Variants in CRPPA observed in about 807,000 individuals in gnomAD.
CRPPA encodes D-ribitol-5-phosphate cytidylyltransferase.
CRPPA carries 43 observed loss-of-function variants against 52.0 expected under a neutral mutation model. The observed-to-expected ratio is 0.83, with a 90% CI of 0.65 to 1.07. The LOEUF is 1.07. Among genes scored for constraint, CRPPA ranks in the 50% least tolerant of loss-of-function variants. The probability of loss-of-function intolerance (pLI) is 0.00; values close to 1 mark genes in which losing one functional copy is unlikely to be tolerated. For synonymous variants in CRPPA, 250 were observed against 203.5 expected, an observed-to-expected ratio of 1.23 and a Z score of -1.94; for missense variants, 629 against 551.7, an observed-to-expected ratio of 1.14 and a Z score of -1.40.
At chr7:16,167,437 C>T (rs1196006762) in intron 9 of CRPPA, among the ~76,000 whole-genome samples, 1 of 152,162 alleles carries the variant, frequency 6.6e-6, no homozygotes, top group Non-Finnish European at 1.5e-5. Flanking sequence ...GTGATCAGTA[C>T]ATTCAAATAT....
chr7:16,088,933 A>G lies in CRPPA; in HGVS notation c.*2762T>C, dbSNP rs982936100. 6 of 199,856 alleles carry G rather than the reference A, an allele frequency of 3.0e-5. No individual in the cohort carries two copies. Among genetic ancestry groups the G allele is most frequent in the Non-Finnish European group, 6.4e-5 (6 of 93,334 alleles). 12.4% of individuals were successfully genotyped at this position (199,856 alleles called of 1,614,324 possible). A position where few individuals can be genotyped will look rare whatever the true frequency, so the allele number is the denominator to read the frequency against. On this transcript the variant is annotated 3_prime_UTR_variant, in exon 10 of 10. Coordinates refer to ENST00000407010, the MANE Select transcript of CRPPA (RefSeq NM_001101426.4). Reference sequence around the variant, plus strand: ...GCTTATATATCACGTCTTATATATCAGACGTGGCTTATATATCAGATGTCT... The same window carrying G: ...GCTTATATATCACGTCTTATATATCGGACGTGGCTTATATATCAGATGTCT...
chr7:16,214,597 C>G (rs1236168250), intron 9 of CRPPA, among the ~76,000 whole-genome samples: 1 of 152,112 alleles, frequency 6.6e-6, no homozygotes, highest in Admixed American at 6.5e-5. Context: ...CTCCGCCTCC[C>G]AGATTCAAGT....
chr7:16,141,318 A>G (rs923599591), intron 9 of CRPPA, among the ~76,000 whole-genome samples: 2 of 152,206 alleles, frequency 1.3e-5, no homozygotes, highest in Non-Finnish European at 2.9e-5. Flanking sequence ...TAATATACAC[A>G]TTCTGAAATA....
At chr7:16,281,903 T>A (rs1312901034) in intron 5 of CRPPA, among the ~76,000 whole-genome samples, 1 of 152,180 alleles carries the variant, frequency 6.6e-6, no homozygotes, top group African/African-American at 2.4e-5. Context: ...TCTGTACAAT[T>A]GTATTGATTC....
intron 3 of CRPPA, among the ~76,000 whole-genome samples, chr7:16,359,999 C>G (rs548618617): frequency 7.9e-4 from 120 of 152,268 alleles, no homozygotes; most frequent in African/African-American, 2.8e-3. Context: ...CTTCTATGTC[C>G]TCCATTTTAT....
chr7:16,158,280 T>C (rs1783230213), intron 9 of CRPPA, among the ~76,000 whole-genome samples: 1 of 152,152 alleles, frequency 6.6e-6, no homozygotes, highest in Non-Finnish European at 1.5e-5. Context: ...TACCACCCTT[T>C]TATTTCATAT....
intron 3 of CRPPA, among the ~76,000 whole-genome samples, chr7:16,328,582 T>C (rs1211825062): frequency 6.6e-6 from 1 of 152,176 alleles, no homozygotes; most frequent in Non-Finnish European, 1.5e-5. Flanking sequence ...TGGTGTGATC[T>C]TGGCTCACTG....
In CRPPA at chr7:16,132,613, A is replaced by G. The variant is rs1782699592; in HGVS notation, c.1252-40814T>C. On this transcript the variant is annotated intron_variant, in intron 9 of 9. Coordinates refer to ENST00000407010, the MANE Select transcript of CRPPA (RefSeq NM_001101426.4). ...GAAACTAAAGTCTATAGTAGGTTTT[A>G]TAATACCATTGACTCTTGAACCACA... is the stretch of plus-strand genomic sequence containing the variant. Among the ~76,000 whole-genome samples the G allele has an allele frequency of 2.4e-5, 3 of 125,142 alleles. 1 individual carries two copies. The South Asian group carries it at 1.1e-3, about 48-fold the overall frequency. 82.1% of individuals were successfully genotyped at this position (125,142 alleles called of 152,430 possible). A position where few individuals can be genotyped will look rare whatever the true frequency, so the allele number is the denominator to read the frequency against.
intron 1 of CRPPA, among the ~76,000 whole-genome samples, chr7:16,419,298 A>C (rs1006028898): frequency 3.3e-5 from 5 of 152,234 alleles, no homozygotes; most frequent in African/African-American, 1.2e-4. Flanking sequence ...ATAACTGAGG[A>C]AATTAGGACA....
intron 9 of CRPPA, among the ~76,000 whole-genome samples, chr7:16,167,780 C>A (rs138555287): frequency 2.1e-4 from 32 of 152,292 alleles, no homozygotes; most frequent in African/African-American, 7.7e-4. Flanking sequence ...CTAAATATTT[C>A]TTTCCCATCT....
intron 9 of CRPPA, among the ~76,000 whole-genome samples, chr7:16,128,353 A>G (rs1397707731): frequency 6.6e-6 from 1 of 152,168 alleles, no homozygotes; most frequent in African/African-American, 2.4e-5. Flanking sequence ...ATTCATCTCA[A>G]CCTCCCCAAA....
At chr7:16,208,665 T>TTGATAAGG (rs1400059465) in intron 9 of CRPPA, among the ~76,000 whole-genome samples, 1 of 152,148 alleles carries the variant, frequency 6.6e-6, no homozygotes, top group Non-Finnish European at 1.5e-5. Context: ...AAGGCTATCT[T>TTGATAAGG]TGGCTAATTC....
At chr7:16,285,727 GT>G in intron 5 of CRPPA, among the ~76,000 whole-genome samples, 1 of 151,868 alleles carries the variant, frequency 6.6e-6, no homozygotes, top group African/African-American at 2.4e-5. Context: ...ATAATTGTCA[GT>G]TAAAATTATG....
chr7:16,419,729 C>A (rs75278840), intron 1 of CRPPA, among the ~76,000 whole-genome samples: 10,888 of 152,000 alleles, frequency 0.072, 464 homozygotes, highest in East Asian at 0.12. Flanking sequence ...ACCAAGAAAA[C>A]CTCACATAGA....
At chr7:16,228,330 T>G (rs1782703944) in intron 8 of CRPPA, among the ~76,000 whole-genome samples, 1 of 151,942 alleles carries the variant, frequency 6.6e-6, no homozygotes, top group East Asian at 1.9e-4. Context: ...CTCTATATTG[T>G]TTCCTTCCTT....
rs543270413 is a variant in CRPPA, at chr7:16,385,899, T to C, written c.535-9658A>G. Among the ~76,000 whole-genome samples, 11 of 152,218 alleles carry C rather than the reference T, an allele frequency of 7.2e-5. No individual in the cohort carries two copies. In the East Asian group the frequency reaches 1.9e-3, roughly 27 times the overall value. On this transcript the variant is annotated intron_variant, in intron 2 of 9. Transcript: ENST00000407010. ...GGTGCAGTAGCCAGAGCGAGCGCTT[T>C]TGGGCTCCAGCCGCACAGTAGCGTC...
rs1015038962 is a variant in CRPPA, at chr7:16,316,147, G to C, written c.685-7520C>G. The stretch of plus-strand genomic sequence containing the variant: ...GGATACAGATATTCTATACAGAAGA[G>C]GAACAAAGGGAGTTGCTAGGACAGT... On this transcript the variant is annotated intron_variant, in intron 3 of 9. Coordinates refer to ENST00000407010, the MANE Select transcript of CRPPA (RefSeq NM_001101426.4). 2.0e-5 allele frequency among the ~76,000 whole-genome samples: 3 copies of C among 152,178 alleles called. No individual in the cohort carries two copies. In the East Asian group the frequency reaches 5.8e-4, roughly 30 times the overall value.
chr7:16,353,939 C>G (rs762087495), intron 3 of CRPPA, among the ~76,000 whole-genome samples: 45 of 152,008 alleles, frequency 3.0e-4, no homozygotes, highest in Non-Finnish European at 5.6e-4. Flanking sequence ...TTCATCATTC[C>G]ACAATGAATA....
At chr7:16,294,254 A>G (rs1425923981) in intron 5 of CRPPA, among the ~76,000 whole-genome samples, 1 of 151,960 alleles carries the variant, frequency 6.6e-6, no homozygotes, top group Admixed American at 6.6e-5. Context: ...TTAACTACCT[A>G]CATCAGAGTG....
Sources: allele counts gnomAD v4.1 joint callset (sites outside exome capture counted in the v4.1 genomes callset), GRCh38; gene constraint gnomAD v4.1.1; transcripts MANE v1.5; gene names NCBI Gene and HGNC (gene_info 2026-07-23, HGNC 2026-07-21).